Variants in C12orf54 observed in about 807,000 individuals in gnomAD.
The protein encoded by C12orf54 is chromosome 12 open reading frame 54.
In C12orf54, 24 loss-of-function variants were observed where a neutral mutation model predicts 26.4. The observed-to-expected ratio is 0.91, with a 90% CI of 0.66 to 1.28. The LOEUF (loss-of-function observed/expected upper bound fraction) is 1.28. Ranked by LOEUF, C12orf54 falls within the 50% of genes most tolerant of loss-of-function variation. C12orf54 has a pLI of 0.00. For missense variants in C12orf54, 154 were observed against 150.9 expected (o/e 1.02, Z -0.11); for synonymous variants, 54 against 47.0 (o/e 1.15, Z -0.61).
the C12orf54 span, among the ~76,000 whole-genome samples, chr12:48,427,065 CTTTA>C: frequency 6.6e-6 from 1 of 152,098 alleles, no homozygotes; most frequent in Non-Finnish European, 1.5e-5. Context: ...TTTGGATGCC[CTTTA>C]TTTCTTTCTC....
the C12orf54 span, among the ~76,000 whole-genome samples, chr12:48,474,072 A>G: frequency 6.6e-6 from 1 of 152,242 alleles, no homozygotes; most frequent in African/African-American, 2.4e-5. Context: ...GTGAGTTACA[A>G]GGAAAATGGA....
chr12:48,461,942 C>T, the C12orf54 span, among the ~76,000 whole-genome samples: 1 of 151,382 alleles, frequency 6.6e-6, no homozygotes, highest in African/African-American at 2.4e-5. Flanking sequence ...AAAGCTGATC[C>T]TTTGAGATGA....
the C12orf54 span, among the ~76,000 whole-genome samples, chr12:48,413,781 G>A: frequency 2.0e-5 from 3 of 152,188 alleles, no homozygotes; most frequent in Non-Finnish European, 4.4e-5. Context: ...TGCACAATTA[G>A]TCTCTGCTTT....
At chr12:48,483,965 G>T (rs1346336120) in intron 2 of C12orf54, among the ~76,000 whole-genome samples, 2 of 152,248 alleles carry the variant, frequency 1.3e-5, no homozygotes, top group East Asian at 3.9e-4. Context: ...AGGCCAAGGC[G>T]GGCGGATCAC....
the C12orf54 span, among the ~76,000 whole-genome samples, chr12:48,424,123 G>A: frequency 2.6e-5 from 4 of 152,074 alleles, no homozygotes; most frequent in Non-Finnish European, 5.9e-5. Context: ...TTTCTTTTCT[G>A]GTCTAATAAT....
the C12orf54 span, among the ~76,000 whole-genome samples, chr12:48,443,263 T>C: frequency 6.6e-6 from 1 of 152,272 alleles, no homozygotes; most frequent in Non-Finnish European, 1.5e-5. Context: ...TTGCTAATGA[T>C]CTAATAGGGA....
At chr12:48,422,051 C>T in the C12orf54 span, among the ~76,000 whole-genome samples, 1 of 151,796 alleles carries the variant, frequency 6.6e-6, no homozygotes, top group African/African-American at 2.4e-5. Flanking sequence ...GTTCAATTAG[C>T]AGAAAATAGA....
chr12:48,436,417 C>T, the C12orf54 span, among the ~76,000 whole-genome samples: 1 of 152,176 alleles, frequency 6.6e-6, no homozygotes, highest in African/African-American at 2.4e-5. Flanking sequence ...ACCTAATAGA[C>T]ATCTACAGAA....
At chr12:48,415,506 C>CTT in the C12orf54 span, among the ~76,000 whole-genome samples, 63 of 152,060 alleles carry the variant, frequency 4.1e-4, 1 homozygote, top group Non-Finnish European at 7.3e-4. Flanking sequence ...ACACAGCTAA[C>CTT]CTCTCTATTC....
At chr12:48,488,271 G>A (rs1937702514) in intron 4 of C12orf54, 1 of 596,048 alleles carries the variant, frequency 1.7e-6, no homozygotes, top group African/African-American at 1.8e-5. Flanking sequence ...TAAAGGTCTG[G>A]AGGATTAGCG....
chr12:48,496,457 G>T lies in C12orf54; in HGVS notation c.*317G>T, dbSNP rs1240198621. 6 of 152,664 alleles carry T rather than the reference G, an allele frequency of 3.9e-5. No individual in the cohort carries two copies. The highest frequency in any genetic ancestry group is 8.8e-5 in the Non-Finnish European group (6 of 68,048). The allele number at this position is 152,664 out of a possible 1,614,324, so 9.5% of individuals were successfully genotyped here. On this transcript the variant is annotated 3_prime_UTR_variant, in exon 9 of 9. Coordinates refer to ENST00000548364, the MANE Select transcript of C12orf54 (RefSeq NM_152319.4). The stretch of plus-strand genomic sequence containing the variant: ...AATTTCCAAGTATGATAGTGCATTT[G>T]GTTCAAAGAACAGCACTGTAGCATG...
chr12:48,458,738 T>G, the C12orf54 span, among the ~76,000 whole-genome samples: 1 of 151,656 alleles, frequency 6.6e-6, no homozygotes, highest in African/African-American at 2.4e-5. Flanking sequence ...TTGTTCTTTT[T>G]TTTTTTTTAA....
rs1367701109 is a variant in C12orf54, at chr12:48,496,251, G to A, written c.*111G>A. 6.5e-6 allele frequency: 1 copy of A among 152,684 alleles called. No individual in the cohort carries two copies. The highest frequency in any genetic ancestry group is 2.4e-5 in the African/African-American group (1 of 41,468). 9.5% of individuals were successfully genotyped at this position (152,684 alleles called of 1,614,324 possible). A position where few individuals can be genotyped will look rare whatever the true frequency, so the allele number is the denominator to read the frequency against. ...CCAGAAGAGAGGGTGGTGCCCATGAGTGGAGATGCCAGGGTCTATGGCTGA... is the reference window on the plus strand; with the variant it reads ...CCAGAAGAGAGGGTGGTGCCCATGAATGGAGATGCCAGGGTCTATGGCTGA... On this transcript the variant is annotated 3_prime_UTR_variant, in exon 9 of 9. Coordinates refer to ENST00000548364, the MANE Select transcript of C12orf54 (RefSeq NM_152319.4).
At chr12:48,414,253 G>A in the C12orf54 span, among the ~76,000 whole-genome samples, 2 of 152,172 alleles carry the variant, frequency 1.3e-5, no homozygotes, top group Non-Finnish European at 2.9e-5. Context: ...GGCAGTATGG[G>A]AAGGACTGAC....
the C12orf54 span, among the ~76,000 whole-genome samples, chr12:48,459,845 CAT>C: frequency 6.6e-6 from 1 of 152,266 alleles, no homozygotes; most frequent in East Asian, 1.9e-4. Context: ...TGTGTGGCAA[CAT>C]GTGAAATACT....
At chr12:48,448,128 T>G in the C12orf54 span, among the ~76,000 whole-genome samples, 2 of 152,208 alleles carry the variant, frequency 1.3e-5, no homozygotes, top group Non-Finnish European at 2.9e-5. Context: ...GCAGCCCTGA[T>G]GACACCTTTG....
At position 48,494,954 on chromosome 12, in the gene C12orf54, A is replaced by G. The variant is rs1937879854; in HGVS notation, c.*15A>G. The G allele has an allele frequency of 6.2e-7, 1 of 1,611,206 alleles. No individual in the cohort carries two copies. The highest frequency in any genetic ancestry group is 1.3e-5 in the African/African-American group (1 of 74,988). On this transcript the variant is annotated 3_prime_UTR_variant, in exon 8 of 9. Transcript: ENST00000548364. ...CTGGACCCTAACTCTACAATCAAGGAAGAAGGACATCTCTGCTTCCGCCAG... is the reference window on the plus strand; with the variant it reads ...CTGGACCCTAACTCTACAATCAAGGGAGAAGGACATCTCTGCTTCCGCCAG...
At chr12:48,464,027 A>C in the C12orf54 span, among the ~76,000 whole-genome samples, 2 of 151,628 alleles carry the variant, frequency 1.3e-5, no homozygotes, top group Admixed American at 6.6e-5. Flanking sequence ...AGGCACAAGG[A>C]TACCCTCTCT....
chr12:48,414,687 G>A, the C12orf54 span, among the ~76,000 whole-genome samples: 1 of 152,172 alleles, frequency 6.6e-6, no homozygotes, highest in African/African-American at 2.4e-5. Context: ...CTAAGTTGCT[G>A]GGGATTAATC....
Sources: allele counts gnomAD v4.1 joint callset (sites outside exome capture counted in the v4.1 genomes callset), GRCh38; gene constraint gnomAD v4.1.1; transcripts MANE v1.5; gene names NCBI Gene and HGNC (gene_info 2026-07-23, HGNC 2026-07-21).